CORIN: variants seen among roughly 807,000 people sequenced by gnomAD.
CORIN encodes corin, serine peptidase.
A neutral mutation model predicts 125.3 loss-of-function variants in CORIN; 117 were observed. That is an observed-to-expected ratio of 0.93 (90% confidence interval 0.80 to 1.09). CORIN has a LOEUF of 1.09. Among genes scored for constraint, CORIN ranks in the 50% least tolerant of loss-of-function variants. CORIN has a pLI of 0.00. For synonymous variants in CORIN, 450 were observed against 466.4 expected (o/e 0.96, Z 0.45); for missense variants, 1,253 against 1,306.7 (o/e 0.96, Z 0.63).
chr4:47,748,621 C>G (rs1026190978), intron 4 of CORIN, among the ~76,000 whole-genome samples: 7 of 152,090 alleles, frequency 4.6e-5, no homozygotes, highest in Non-Finnish European at 8.8e-5. Flanking sequence ...TACAGTTTAT[C>G]TATAAAAATG....
In CORIN at chr4:47,737,211, C is replaced by T. The variant is rs140084554; in HGVS notation, c.799+7191G>A. ...CCTTATAACAATGAGGCAAAATCAG[C>T]TTAGTCTCTGATTAAATTAAGGCTA... On this transcript the variant is annotated intron_variant, in intron 5 of 21. Coordinates refer to ENST00000273857, the MANE Select transcript of CORIN (RefSeq NM_006587.4). Among the ~76,000 whole-genome samples the T allele has an allele frequency of 2.7e-3, 413 of 152,298 alleles. 4 individuals carry two copies. Among genetic ancestry groups the T allele is most frequent in the African/African-American group, 9.1e-3 (378 of 41,568 alleles).
chr4:47,741,232 A>G (rs1002466061), intron 5 of CORIN, among the ~76,000 whole-genome samples: 21 of 152,054 alleles, frequency 1.4e-4, no homozygotes, highest in South Asian at 2.1e-4. Flanking sequence ...TGACAATTCA[A>G]CAATTTAAAG....
At chr4:47,710,961 C>T (rs1018962027) in intron 5 of CORIN, among the ~76,000 whole-genome samples, 1 of 152,220 alleles carries the variant, frequency 6.6e-6, no homozygotes, top group Non-Finnish European at 1.5e-5. Flanking sequence ...AAACCAAATG[C>T]TGATCCCTTC....
intron 5 of CORIN, among the ~76,000 whole-genome samples, chr4:47,736,409 G>C (rs1042825270): frequency 6.6e-6 from 1 of 152,228 alleles, no homozygotes; most frequent in Non-Finnish European, 1.5e-5. Flanking sequence ...GAAGGCATCT[G>C]AGAGCTGATG....
intron 12 of CORIN, among the ~76,000 whole-genome samples, chr4:47,661,116 A>T (rs1724230382): frequency 6.6e-6 from 1 of 152,222 alleles, no homozygotes; most frequent in Admixed American, 6.5e-5. Flanking sequence ...TATTTGTGGG[A>T]GCTGAAAATT....
At chr4:47,655,971 A>T (rs930721703) in intron 12 of CORIN, among the ~76,000 whole-genome samples, 9 of 152,106 alleles carry the variant, frequency 5.9e-5, no homozygotes, top group African/African-American at 2.2e-4. Flanking sequence ...GAAGGAATAC[A>T]TCCAAATTCA....
At chr4:47,792,277 G>A (rs559239287) in intron 2 of CORIN, among the ~76,000 whole-genome samples, 1 of 152,172 alleles carries the variant, frequency 6.6e-6, no homozygotes, top group South Asian at 2.1e-4. Context: ...AGAGACACCA[G>A]ACAGGATAGG....
chr4:47,706,612 T>TA (rs535967805), intron 5 of CORIN: 23,799 of 1,605,080 alleles, frequency 0.015, 213 homozygotes, highest in Non-Finnish European at 0.018. Flanking sequence ...GGGTGCAACT[T>TA]ACGGCAAGCC....
chr4:47,618,198 G>T (rs1722143683), intron 19 of CORIN, among the ~76,000 whole-genome samples: 1 of 151,988 alleles, frequency 6.6e-6, no homozygotes, highest in Admixed American at 6.6e-5. Context: ...GCTGAGCATG[G>T]TGGCAGGCAC....
chr4:47,703,806 C>A (rs371048001), intron 5 of CORIN, among the ~76,000 whole-genome samples: 2 of 152,182 alleles, frequency 1.3e-5, no homozygotes, highest in Non-Finnish European at 2.9e-5. Flanking sequence ...GAGGTCCTAA[C>A]CCCCAAACTT....
chr4:47,771,987 A>G (rs1223020091), intron 3 of CORIN, among the ~76,000 whole-genome samples: 3 of 152,176 alleles, frequency 2.0e-5, no homozygotes, highest in African/African-American at 7.2e-5. Context: ...TATTTTCTAT[A>G]TAATTGTATA....
chr4:47,725,939 A>G (rs1727572592), intron 5 of CORIN, among the ~76,000 whole-genome samples: 1 of 152,064 alleles, frequency 6.6e-6, no homozygotes, highest in Admixed American at 6.6e-5. Context: ...CTCCTGCCAT[A>G]AAATGAGCAA....
At chr4:47,703,999 G>A (rs955303225) in intron 5 of CORIN, among the ~76,000 whole-genome samples, 8 of 152,162 alleles carry the variant, frequency 5.3e-5, no homozygotes, top group African/African-American at 1.9e-4. Flanking sequence ...AGAAAAGGAA[G>A]TCAATTGCTT....
intron 5 of CORIN, among the ~76,000 whole-genome samples, chr4:47,723,147 A>G (rs1268105278): frequency 6.6e-6 from 1 of 152,232 alleles, no homozygotes; most frequent in African/African-American, 2.4e-5. Flanking sequence ...AGCTGTACTC[A>G]TGCAACAGTG....
intron 6 of CORIN, among the ~76,000 whole-genome samples, chr4:47,692,280 G>A (rs1008885528): frequency 3.3e-5 from 5 of 152,162 alleles, no homozygotes; most frequent in African/African-American, 1.2e-4. Context: ...CAGTGTAATT[G>A]TTTTCTTTTT....
In CORIN at chr4:47,665,010, G is replaced by A. The variant is rs772114087; in HGVS notation, c.1589+22C>T. 7.9e-6 allele frequency: 12 copies of A among 1,524,842 alleles called. No individual in the cohort carries two copies. In the African/African-American group the frequency reaches 1.4e-4, roughly 17 times the overall value. 94.5% of individuals were successfully genotyped at this position (1,524,842 alleles called of 1,614,324 possible). A position where few individuals can be genotyped will look rare whatever the true frequency, so the allele number is the denominator to read the frequency against. On this transcript the variant is annotated intron_variant, in intron 11 of 21. Coordinates refer to ENST00000273857, the MANE Select transcript of CORIN (RefSeq NM_006587.4). ...TCTCTCTGAGGCAAAATAAGGGACT[G>A]GGGTAGATCCCATCATATTACCTGC...
At chr4:47,636,310 T>C (rs1480269549) in intron 16 of CORIN, among the ~76,000 whole-genome samples, 1 of 152,232 alleles carries the variant, frequency 6.6e-6, no homozygotes, top group Non-Finnish European at 1.5e-5. Flanking sequence ...AAGAGTCACC[T>C]TTCCCTTAGA....
At chr4:47,789,378 T>C (rs1397658449) in intron 2 of CORIN, among the ~76,000 whole-genome samples, 2 of 152,178 alleles carry the variant, frequency 1.3e-5, no homozygotes, top group Admixed American at 6.5e-5. Context: ...CTCTGAAACA[T>C]TGACATTTTT....
rs139499566 is a variant in CORIN, at chr4:47,680,192, C to A, written c.1081G>T (p.Val361Leu). 6.2e-7 allele frequency: 1 copy of A among 1,614,034 alleles called. No homozygotes were observed. The highest frequency in any genetic ancestry group is 1.1e-5 in the South Asian group (1 of 91,082). Residue 361 changes from valine to leucine, a missense_variant, in exon 8 of 22, where the codon GTG (valine) becomes TTG (leucine). Transcript: ENST00000273857. ...GDGRCIAMEW[V>L]CDGDHDCVDK... ...ACACAGTCGTGGTCACCATCACACACCCACTCCATGGCGATGCAGCGCCCG... is the reference window on the plus strand; with the variant it reads ...ACACAGTCGTGGTCACCATCACACAACCACTCCATGGCGATGCAGCGCCCG...
Sources: allele counts gnomAD v4.1 joint callset (sites outside exome capture counted in the v4.1 genomes callset), GRCh38; gene constraint gnomAD v4.1.1; transcripts MANE v1.5; gene names NCBI Gene and HGNC (gene_info 2026-07-23, HGNC 2026-07-21).